Variants in DMTF1 observed in about 807,000 individuals in gnomAD.
DMTF1 encodes the protein cyclin-D-binding Myb-like transcription factor 1.
A neutral mutation model predicts 91.1 loss-of-function variants in DMTF1; 39 were observed. The observed-to-expected ratio is 0.43, with a 90% CI of 0.33 to 0.56. The LOEUF (loss-of-function observed/expected upper bound fraction) is 0.56, where lower values mean the gene tolerates loss of function less well. Among genes scored for constraint, DMTF1 ranks in the 20% least tolerant of loss-of-function variants. The probability of loss-of-function intolerance (pLI) is 0.05; values close to 1 mark genes in which losing one functional copy is unlikely to be tolerated. For missense variants in DMTF1, 750 were observed against 914.5 expected (o/e 0.82, Z 2.32); for synonymous variants, 338 against 309.5 (o/e 1.09, Z -0.97).
intron 13 of DMTF1, among the ~76,000 whole-genome samples, chr7:87,188,679 A>G (rs1799027572): frequency 1.3e-5 from 2 of 152,164 alleles, no homozygotes; most frequent in South Asian, 4.1e-4. Flanking sequence ...ATTTCACTAG[A>G]AGACATATCA....
intron 1 of DMTF1, among the ~76,000 whole-genome samples, chr7:87,159,630 C>T (rs765569516): frequency 3.9e-5 from 6 of 152,146 alleles, no homozygotes; most frequent in Non-Finnish European, 5.9e-5. Context: ...TGTATCTTCT[C>T]GTTTTTAGTG....
chr7:87,155,286 TTA>T (rs1042942219), intron 1 of DMTF1, among the ~76,000 whole-genome samples: 1 of 152,226 alleles, frequency 6.6e-6, no homozygotes, highest in Non-Finnish European at 1.5e-5. Flanking sequence ...CTACTTTTTT[TTA>T]TATCTTATGT....
At position 87,195,539 on chromosome 7, in the gene DMTF1, TTTCAACATGGTC is replaced by T. The variant is rs148183534; in HGVS notation, c.*413_*424del. The T allele has an allele frequency of 0.046, 7,579 of 166,478 alleles. 214 individuals carry two copies. Among genetic ancestry groups the T allele is most frequent in the Middle Eastern group, 0.063 (21 of 334 alleles). 10.3% of individuals were successfully genotyped at this position (166,478 alleles called of 1,614,324 possible). A position where few individuals can be genotyped will look rare whatever the true frequency, so the allele number is the denominator to read the frequency against. ...GCCTGGTTGTAGTTCAGATGAGTCT[TTTCAACATGGTC>T]TTCAACATGGTCTAGAGCTTACCAG... On this transcript the variant is annotated 3_prime_UTR_variant, in exon 18 of 18. Coordinates refer to ENST00000331242, the MANE Select transcript of DMTF1 (RefSeq NM_001142327.2).
In DMTF1 at chr7:87,184,441, C is replaced by G; in HGVS notation, c.865C>G (p.His289Asp). ...AGAAAAGAGACTTGCAGAAGTGGTT[C>G]ATGAGTTGACAAGCACTGAGCCAGG... ...EEEKRLAEVV[H>D]ELTSTEPGDI... Residue 289 changes from histidine (H) to aspartate (D), a missense_variant, in exon 11 of 18, where the codon CAT becomes GAT. Physicochemically the swap from His to Asp is moderately conservative, Grantham distance 81. This residue lies in a region of DMTF1 where 190 missense variants were observed against 343.8 expected (regional missense o/e 0.55). Transcript: ENST00000331242. The G allele has an allele frequency of 1.2e-6, 2 of 1,613,908 alleles. No homozygotes were observed. The highest frequency in any genetic ancestry group is 1.7e-6 in the Non-Finnish European group (2 of 1,179,914).
chr7:87,173,234 G>A (rs952800227), intron 5 of DMTF1, among the ~76,000 whole-genome samples: 1 of 151,912 alleles, frequency 6.6e-6, no homozygotes, highest in African/African-American at 2.4e-5. Flanking sequence ...AATACTTAAT[G>A]GACTCTTGGC....
Position 87,181,318 on chromosome 7 carries a change from T to C in DMTF1, c.687T>C (p.Pro229=). The change falls in exon 9 of 18, where the codon CCT becomes CCC. Residue 229 remains proline (P), a synonymous_variant. Coordinates refer to ENST00000331242, the MANE Select transcript of DMTF1 (RefSeq NM_001142327.2). ...TTCTCTGAATTTCTAGATATACACCTGAAGAAATTGAGAAGCTCAAGGAGT... is the reference window on the plus strand; with the variant it reads ...TTCTCTGAATTTCTAGATATACACCCGAAGAAATTGAGAAGCTCAAGGAGT... ...DDRNHVGKYT[P]EEIEKLKELR... 7.8e-7 allele frequency: 1 copy of C among 1,283,938 alleles called. No homozygotes were observed. The highest frequency in any genetic ancestry group is 1.1e-6 in the Non-Finnish European group (1 of 904,034). 79.5% of individuals were successfully genotyped at this position (1,283,938 alleles called of 1,614,324 possible). A position where few individuals can be genotyped will look rare whatever the true frequency, so the allele number is the denominator to read the frequency against.
intron 7 of DMTF1, among the ~76,000 whole-genome samples, chr7:87,178,943 G>C (rs375206606): frequency 6.6e-6 from 1 of 151,712 alleles, no homozygotes; most frequent in African/African-American, 2.4e-5. Context: ...TTGATTTTCT[G>C]TCTCTTCCAG....
Position 87,166,389 on chromosome 7 carries a change from T to G in DMTF1, c.110-94T>G, listed in dbSNP as rs1330253881. The G allele has an allele frequency of 2.6e-5, 35 of 1,340,932 alleles. No homozygotes were observed. In the East Asian group the frequency reaches 7.8e-4, roughly 30 times the overall value. 83.1% of individuals were successfully genotyped at this position (1,340,932 alleles called of 1,614,324 possible). A position where few individuals can be genotyped will look rare whatever the true frequency, so the allele number is the denominator to read the frequency against. On this transcript the variant is annotated intron_variant, in intron 3 of 17. Transcript: ENST00000331242. ...AAATGAGCAAATTGGTAAGAAAATT[T>G]TTTTAATAGATAAGAAAATTGTAGA... is the stretch of plus-strand genomic sequence containing the variant.
In DMTF1 at chr7:87,182,798, T is replaced by C. The variant is rs1797641612; in HGVS notation, c.820+461T>C. 2.6e-5 allele frequency among the ~76,000 whole-genome samples: 4 copies of C among 152,356 alleles called. No homozygotes were observed. The South Asian group carries it at 8.3e-4, about 32-fold the overall frequency. On this transcript the variant is annotated intron_variant, in intron 10 of 17. Transcript: ENST00000331242. Reference sequence around the variant, plus strand: ...TTCCAAAGATTTGTAAATATTTTGCTTATTTTAAACTCAAAGTATATTTTT... The same window carrying C: ...TTCCAAAGATTTGTAAATATTTTGCCTATTTTAAACTCAAAGTATATTTTT...
At chr7:87,169,299 G>A (rs919387913) in intron 4 of DMTF1, among the ~76,000 whole-genome samples, 3 of 151,696 alleles carry the variant, frequency 2.0e-5, no homozygotes, top group Non-Finnish European at 1.5e-5. Context: ...TCTTTACAAC[G>A]AATACAAAAA....
rs776694956 is a variant in DMTF1 at position 87,188,335 on chromosome 7, T to G, written c.1411+34T>G. 10 of 1,608,436 alleles carry G rather than the reference T, an allele frequency of 6.2e-6. No individual in the cohort carries two copies. In the South Asian group the frequency reaches 9.9e-5, roughly 16 times the overall value. On this transcript the variant is annotated intron_variant, in intron 13 of 17. Transcript: ENST00000331242. ...TTGATCTTCAAGATTCCTTGCTGTT[T>G]GATCTATATGATTTGGTTAATGGCT...
At chr7:87,189,586 T>TA (rs1799273640) in intron 13 of DMTF1, among the ~76,000 whole-genome samples, 1 of 152,144 alleles carries the variant, frequency 6.6e-6, no homozygotes. Flanking sequence ...TTTTCTCTCT[T>TA]ACAGCAAGAA....
At chr7:87,162,632 C>T (rs1271537188) in intron 1 of DMTF1, among the ~76,000 whole-genome samples, 1 of 152,044 alleles carries the variant, frequency 6.6e-6, no homozygotes, top group African/African-American at 2.4e-5. Flanking sequence ...AAAAGCCAGC[C>T]TTTAAAAAAT....
chr7:87,174,761 C>T, intron 7 of DMTF1, 92 bp downstream of exon 7: 1 of 727,244 alleles, frequency 1.4e-6, no homozygotes, highest in Non-Finnish European at 2.2e-6. Flanking sequence ...TTATTAGGAG[C>T]TTTTTACTTA....
intron 14 of DMTF1, among the ~76,000 whole-genome samples, chr7:87,192,067 A>G (rs1380099930): frequency 6.6e-6 from 1 of 152,022 alleles, no homozygotes; most frequent in Non-Finnish European, 1.5e-5. Context: ...ACAGGTAGAA[A>G]ACTTTTACTT....
intron 4 of DMTF1, 84 bp from the exon 5 acceptor site, chr7:87,170,911 C>T: frequency 1.2e-6 from 1 of 853,284 alleles, no homozygotes; most frequent in Non-Finnish European, 1.9e-6. Context: ...ATTAGATGAT[C>T]ATGTTTTTTT....
chr7:87,188,423 C>T (rs1798956292), intron 13 of DMTF1, 122 bp downstream of exon 13: 2 of 967,674 alleles, frequency 2.1e-6, no homozygotes, highest in African/African-American at 1.6e-5. Flanking sequence ...AACTGAAGGA[C>T]ATCTAAGATA....
intron 4 of DMTF1, 95 bp from the exon 5 acceptor site, chr7:87,170,900 A>C: frequency 2.6e-6 from 2 of 782,296 alleles, no homozygotes; most frequent in Non-Finnish European, 4.3e-6. Context: ...TGTGTTAGGA[A>C]ATTAGATGAT....
chr7:87,167,951 T>C (rs1025922475), intron 4 of DMTF1, among the ~76,000 whole-genome samples: 2 of 152,248 alleles, frequency 1.3e-5, no homozygotes, highest in Non-Finnish European at 2.9e-5. Context: ...TTGTTCATGA[T>C]TGTAGGTTCA....
Sources: gnomAD v4.1 joint callset for allele counts (sites outside exome capture counted in the v4.1 genomes callset) on GRCh38, gnomAD v4.1.1 for gene constraint, gnomAD v4.1.1 regional missense constraint, MANE v1.5 for transcripts, NCBI Gene and HGNC (gene_info 2026-07-23, HGNC 2026-07-21) for gene names.